TBC1D23: variants seen among roughly 807,000 people sequenced by gnomAD.
The protein encoded by TBC1D23 is TBC1 domain family member 23, also known as HCV non-structural protein 4A-transactivated protein 1.
In TBC1D23, 55 loss-of-function variants were observed where a neutral mutation model predicts 91.4. The ratio of observed to expected loss-of-function variants is 0.60; its 90% CI spans 0.48 to 0.75. TBC1D23 has a LOEUF of 0.75. TBC1D23 is among the 30% of genes least tolerant of loss of function. TBC1D23 has a pLI of 0.00. For synonymous variants in TBC1D23, 289 were observed against 281.0 expected, an observed-to-expected ratio of 1.03 and a Z score of -0.28; for missense variants, 725 against 836.1, an observed-to-expected ratio of 0.87 and a Z score of 1.64.
intron 16 of TBC1D23, 118 bp downstream of exon 16, chr3:100,316,305 T>C: frequency 2.7e-6 from 2 of 733,500 alleles, no homozygotes. Flanking sequence ...GTAGAAATAA[T>C]TGGAGAATCT....
At chr3:100,312,397 C>G (rs1302206274) in intron 15 of TBC1D23, among the ~76,000 whole-genome samples, 1 of 151,934 alleles carries the variant, frequency 6.6e-6, no homozygotes, top group Non-Finnish European at 1.5e-5. Flanking sequence ...AAATCTCTTC[C>G]AAGAAACTAC....
In TBC1D23 at chr3:100,290,594, G is replaced by T; in HGVS notation, c.493G>T (p.Gly165Trp). The change falls in exon 5 of 19, where the codon GGG becomes TGG. Residue 165 changes from glycine to tryptophan, a missense_variant. Transcript: ENST00000394144. The stretch of plus-strand genomic sequence containing the variant: ...GTCTTCTAGGGATTGTTCCCAGAAA[G>T]GGAGACCATTTCATCTCTTCAGGTT... ...KYIPRDCSQK[G>W]RPFHLFRLLI... is the part of the protein sequence containing the mutation. 6.2e-7 allele frequency: 1 copy of T among 1,613,800 alleles called. No individual in the cohort carries two copies. The highest frequency in any genetic ancestry group is 8.5e-7 in the Non-Finnish European group (1 of 1,179,848).
At chr3:100,314,544 G>C (rs140477925) in intron 15 of TBC1D23, among the ~76,000 whole-genome samples, 8 of 152,212 alleles carry the variant, frequency 5.3e-5, no homozygotes, top group African/African-American at 1.9e-4. Context: ...GAGGTGGGAG[G>C]ATCACGGGTC....
intron 1 of TBC1D23, among the ~76,000 whole-genome samples, chr3:100,264,191 A>G (rs1412914851): frequency 6.6e-6 from 1 of 152,028 alleles, no homozygotes; most frequent in Non-Finnish European, 1.5e-5. Context: ...TGTTGAAGAA[A>G]CGAGGTCTCG....
intron 1 of TBC1D23, among the ~76,000 whole-genome samples, chr3:100,263,245 A>G (rs1397784343): frequency 6.6e-6 from 1 of 152,206 alleles, no homozygotes; most frequent in Non-Finnish European, 1.5e-5. Context: ...AGCCAGGATG[A>G]GCCAGGAAAA....
intron 12 of TBC1D23, 24 bp from the exon 13 acceptor site, chr3:100,306,413 C>CT (rs199565283): frequency 0.014 from 17,718 of 1,254,696 alleles, 120 homozygotes; most frequent in African/African-American, 0.063. Context: ...TTAGGTTTTT[C>CT]TTTTTTTTTT....
At position 100,261,114 on chromosome 3, in the gene TBC1D23, T is replaced by G. The variant is rs754491929; in HGVS notation, c.53+43T>G. On this transcript the variant is annotated intron_variant, in intron 1 of 18. Transcript: ENST00000394144. The stretch of plus-strand genomic sequence containing the variant: ...CTAATTTCCAATGCCCCTTTATTCT[T>G]CCTTCTCACCATCTTGCCGGTCCCC... 9.5e-6 allele frequency: 15 copies of G among 1,579,564 alleles called. No individual in the cohort carries two copies. In the East Asian group the frequency reaches 2.7e-4, roughly 28 times the overall value.
At chr3:100,306,578 G>A in intron 13 of TBC1D23, 35 bp downstream of exon 13, 1 of 1,329,162 alleles carries the variant, frequency 7.5e-7, no homozygotes, top group East Asian at 2.3e-5. Context: ...ACCGGATTTG[G>A]ATAAGTTCCC....
chr3:100,316,243 C>T, intron 16 of TBC1D23, 56 bp downstream of exon 16: 1 of 1,252,430 alleles, frequency 8.0e-7, no homozygotes, highest in South Asian at 1.2e-5. Flanking sequence ...GTGATTACAG[C>T]AGTCATTCTG....
At chr3:100,301,997 A>T (rs900560139) in intron 10 of TBC1D23, 70 bp from the exon 11 acceptor site, 1 of 1,304,698 alleles carries the variant, frequency 7.7e-7, no homozygotes, top group Non-Finnish European at 1.1e-6. Context: ...TTCCTAAAAA[A>T]AATTTCAAAT....
intron 14 of TBC1D23, among the ~76,000 whole-genome samples, chr3:100,311,540 C>T (rs1004633461): frequency 2.6e-5 from 4 of 152,246 alleles, no homozygotes; most frequent in African/African-American, 4.8e-5. Context: ...GTTGGTGCTT[C>T]TGAGTTGGAG....
rs555553126 is a variant in TBC1D23, at chr3:100,311,979, G to C, written c.1598+102G>C. The C allele has an allele frequency of 1.2e-5, 9 of 756,978 alleles. No individual in the cohort carries two copies. In the Middle Eastern group the frequency reaches 1.6e-3, roughly 135 times the overall value. The allele number at this position is 756,978 out of a possible 1,614,324, so 46.9% of individuals were successfully genotyped here. A position where few individuals can be genotyped will look rare whatever the true frequency, so the allele number is the denominator to read the frequency against. On this transcript the variant is annotated intron_variant, in intron 15 of 18. Transcript: ENST00000394144. ...GCTGTCTTGGCTCAAATTTCATGCA[G>C]CTATTTCAAATGCTAAACTTTCCTC...
intron 4 of TBC1D23, among the ~76,000 whole-genome samples, chr3:100,286,733 G>A (rs1235924680): frequency 6.7e-6 from 1 of 149,346 alleles, no homozygotes; most frequent in African/African-American, 2.5e-5. Context: ...TGACCTCAAG[G>A]GATCCGCCCA....
chr3:100,309,664 T>C (rs1705587676), intron 13 of TBC1D23, among the ~76,000 whole-genome samples: 1 of 137,490 alleles, frequency 7.3e-6, no homozygotes, highest in African/African-American at 2.7e-5. Context: ...CAGACTGGAG[T>C]GCAGTGGTAC....
chr3:100,287,395 G>A (rs2067753236), intron 4 of TBC1D23, among the ~76,000 whole-genome samples: 1 of 152,198 alleles, frequency 6.6e-6, no homozygotes, highest in Non-Finnish European at 1.5e-5. Context: ...GAGCAACACT[G>A]CAGTATACAG....
chr3:100,311,827 C>T lies in TBC1D23; in HGVS notation c.1554-6C>T. 1.3e-6 allele frequency: 2 copies of T among 1,530,966 alleles called. No homozygotes were observed. The highest frequency in any genetic ancestry group is 2.4e-5 in the South Asian group (2 of 83,934). The allele number at this position is 1,530,966 out of a possible 1,614,324, so 94.8% of individuals were successfully genotyped here. On this transcript the variant is annotated splice_polypyrimidine_tract_variant and splice_region_variant and intron_variant, in intron 14 of 18. Coordinates refer to ENST00000394144, the MANE Select transcript of TBC1D23 (RefSeq NM_001199198.3). ...TTGTTCTGTCCTCTGCCTTGATTTG[C>T]TATAGAATGTCTTTCAATCTTCCTT...
At chr3:100,296,479 C>G (rs2029161) in intron 8 of TBC1D23, among the ~76,000 whole-genome samples, 1 of 151,866 alleles carries the variant, frequency 6.6e-6, no homozygotes, top group African/African-American at 2.4e-5. Flanking sequence ...TAGAACGCAT[C>G]TTACCTCTCT....
intron 18 of TBC1D23, 102 bp downstream of exon 18, chr3:100,321,073 T>A: frequency 1.2e-6 from 1 of 844,918 alleles, no homozygotes; most frequent in Non-Finnish European, 1.8e-6. Context: ...GAATGGATGG[T>A]GGAATAGGAT....
intron 1 of TBC1D23, among the ~76,000 whole-genome samples, chr3:100,278,809 G>A (rs992635878): frequency 6.6e-6 from 1 of 152,050 alleles, no homozygotes; most frequent in African/African-American, 2.4e-5. Flanking sequence ...CTTAAACATC[G>A]TAGACTGAAC....
Sources: allele counts gnomAD v4.1 joint callset (sites outside exome capture counted in the v4.1 genomes callset), GRCh38; gene constraint gnomAD v4.1.1; transcripts MANE v1.5; gene names NCBI Gene and HGNC (gene_info 2026-07-23, HGNC 2026-07-21).